Variants in OMA1 observed in about 807,000 individuals in gnomAD.
OMA1 encodes the protein metalloendopeptidase OMA1, mitochondrial.
OMA1 carries 38 observed loss-of-function variants against 30.9 expected under a neutral mutation model. The observed-to-expected ratio is 1.23, with a 90% CI of 0.95 to 1.61. OMA1 has a LOEUF of 1.61. OMA1 is among the 40% of genes most tolerant of loss of function. The pLI is 0.00. For missense variants in OMA1, 461 were observed against 349.2 expected (o/e 1.32, Z -2.55); for synonymous variants, 173 against 121.9 (o/e 1.42, Z -2.76).
intron 7 of OMA1, among the ~76,000 whole-genome samples, chr1:58,518,612 T>C (rs1189568668): frequency 7.4e-6 from 1 of 134,692 alleles, no homozygotes; most frequent in Non-Finnish European, 1.6e-5. Flanking sequence ...GAGTAAATGA[T>C]AAAGAACGAA....
chr1:58,487,321 T>C (rs1308133314), intron 8 of OMA1, among the ~76,000 whole-genome samples: 4 of 152,260 alleles, frequency 2.6e-5, no homozygotes, highest in African/African-American at 9.6e-5. Flanking sequence ...GCTTTTCTTT[T>C]ATGATGCTGC....
At chr1:58,491,240 G>T (rs1645682512) in intron 8 of OMA1, among the ~76,000 whole-genome samples, 1 of 152,128 alleles carries the variant, frequency 6.6e-6, no homozygotes, top group African/African-American at 2.4e-5. Flanking sequence ...CACCAGGCCT[G>T]CCCTACAAGA....
chr1:58,500,918 A>G (rs576077613), intron 8 of OMA1, among the ~76,000 whole-genome samples: 2 of 152,332 alleles, frequency 1.3e-5, no homozygotes, highest in African/African-American at 4.8e-5. Flanking sequence ...AAAGTTAAAT[A>G]AGGTGTCTCT....
At chr1:58,490,471 G>A (rs529270447) in intron 8 of OMA1, among the ~76,000 whole-genome samples, 48 of 152,328 alleles carry the variant, frequency 3.2e-4, no homozygotes, top group African/African-American at 1.1e-3. Context: ...TCTGATTGGT[G>A]TACCTGAAAG....
intron 8 of OMA1, among the ~76,000 whole-genome samples, chr1:58,505,287 T>C (rs973298969): frequency 1.2e-4 from 19 of 152,348 alleles, no homozygotes; most frequent in African/African-American, 4.6e-4. Flanking sequence ...CCTTAGCACA[T>C]GGCCCAGTAC....
At chr1:58,484,624 A>G (rs1194005073) in intron 8 of OMA1, among the ~76,000 whole-genome samples, 2 of 152,214 alleles carry the variant, frequency 1.3e-5, no homozygotes, top group Non-Finnish European at 2.9e-5. Context: ...GGCTTGGTAA[A>G]TGTTTTTAAC....
intron 8 of OMA1, among the ~76,000 whole-genome samples, chr1:58,490,129 C>T (rs748012465): frequency 7.2e-5 from 11 of 151,976 alleles, no homozygotes; most frequent in African/African-American, 1.7e-4. Context: ...ATGCTTCAGA[C>T]GATCAAACTA....
intron 7 of OMA1, among the ~76,000 whole-genome samples, chr1:58,524,853 G>A (rs544698204): frequency 6.6e-6 from 1 of 152,282 alleles, no homozygotes; most frequent in South Asian, 2.1e-4. Flanking sequence ...AGAACTGCAA[G>A]AGACCATTTA....
At chr1:58,512,774 A>C (rs1646100498) in intron 7 of OMA1, among the ~76,000 whole-genome samples, 1 of 152,140 alleles carries the variant, frequency 6.6e-6, no homozygotes. Context: ...GTTGCTATTC[A>C]ATGGATATAA....
At chr1:58,485,942 A>C (rs1471686362) in intron 8 of OMA1, among the ~76,000 whole-genome samples, 1 of 152,220 alleles carries the variant, frequency 6.6e-6, no homozygotes, top group Non-Finnish European at 1.5e-5. Context: ...AATGTATTTT[A>C]ATAGCAAGAA....
intron 7 of OMA1, among the ~76,000 whole-genome samples, chr1:58,524,879 T>C (rs977984739): frequency 3.9e-5 from 6 of 152,216 alleles, no homozygotes; most frequent in African/African-American, 1.2e-4. Flanking sequence ...ATACTCAATT[T>C]ACTGGAGAGA....
intron 7 of OMA1, among the ~76,000 whole-genome samples, chr1:58,517,973 G>T (rs541437346): frequency 7.9e-5 from 12 of 151,470 alleles, no homozygotes; most frequent in Non-Finnish European, 1.3e-4. Context: ...GGTCACCTGA[G>T]GTTGGGAGTT....
chr1:58,535,689 C>A (rs913098695), intron 3 of OMA1, among the ~76,000 whole-genome samples: 5 of 151,694 alleles, frequency 3.3e-5, no homozygotes, highest in African/African-American at 2.4e-5. Flanking sequence ...AGCCACAGGG[C>A]ACATAACATG....
At chr1:58,486,994 A>G (rs1475646686) in intron 8 of OMA1, among the ~76,000 whole-genome samples, 1 of 152,234 alleles carries the variant, frequency 6.6e-6, no homozygotes, top group African/African-American at 2.4e-5. Context: ...TCTAAGTTAG[A>G]TGAGAAGCCA....
At chr1:58,510,075 C>T (rs998568359) in intron 7 of OMA1, among the ~76,000 whole-genome samples, 1 of 152,074 alleles carries the variant, frequency 6.6e-6, no homozygotes, top group African/African-American at 2.4e-5. Context: ...GAATTAATGT[C>T]AATGACTCTC....
intron 7 of OMA1, among the ~76,000 whole-genome samples, chr1:58,510,706 T>C (rs572524384): frequency 6.6e-6 from 1 of 152,052 alleles, no homozygotes; most frequent in African/African-American, 2.4e-5. Flanking sequence ...TATGATCTTA[T>C]AAGTAGAAAA....
chr1:58,537,062 T>TTCTCTCTC (rs150887072), intron 2 of OMA1, among the ~76,000 whole-genome samples: 4 of 145,908 alleles, frequency 2.7e-5, no homozygotes, highest in East Asian at 2.0e-4. Context: ...ACATGCAAAA[T>TTCTCTCTC]TCTCTCTCTC....
intron 7 of OMA1, among the ~76,000 whole-genome samples, chr1:58,525,087 G>A (rs906709675): frequency 6.6e-6 from 1 of 152,068 alleles, no homozygotes; most frequent in African/African-American, 2.4e-5. Flanking sequence ...ACTGCAAATG[G>A]CACCATGTAT....
At chr1:58,513,027 T>C (rs940466758) in intron 7 of OMA1, among the ~76,000 whole-genome samples, 1 of 152,156 alleles carries the variant, frequency 6.6e-6, no homozygotes, top group Admixed American at 6.6e-5. Flanking sequence ...TAAGAACTTA[T>C]TAAGCAACTG....
Sources: gnomAD v4.1 joint callset for allele counts (sites outside exome capture counted in the v4.1 genomes callset) on GRCh38, gnomAD v4.1.1 for gene constraint, MANE v1.5 for transcripts, NCBI Gene and HGNC (gene_info 2026-07-23, HGNC 2026-07-21) for gene names.